The following HMMR variants were observed in gnomAD, a reference collection of about 807,000 sequenced individuals.
HMMR encodes hyaluronan mediated motility receptor.
In HMMR, 108 loss-of-function variants were observed where a neutral mutation model predicts 101.0. That is an observed-to-expected ratio of 1.07 (90% CI 0.92 to 1.25). HMMR has a LOEUF of 1.25. Among genes scored for constraint, HMMR ranks in the 50% most tolerant of loss-of-function variants. HMMR has a pLI of 0.00. For missense variants in HMMR, 813 were observed against 788.7 expected (o/e 1.03, Z -0.37); for synonymous variants, 296 against 276.4 (o/e 1.07, Z -0.70).
chr5:163,467,746 G>C lies in HMMR; in HGVS notation c.271G>C (p.Glu91Gln). The C allele has an allele frequency of 2.7e-6, 4 of 1,492,196 alleles. No homozygotes were observed. Among genetic ancestry groups the C allele is most frequent in the Non-Finnish European group, 3.7e-6 (4 of 1,073,198 alleles). 92.4% of individuals were successfully genotyped at this position (1,492,196 alleles called of 1,614,324 possible). The change falls in exon 4 of 18, where the codon GAG becomes CAG. Residue 91 changes from glutamate to glutamine, a missense_variant and splice_region_variant. Transcript: ENST00000393915. ...TAAAGATTTGAAGATATTAGAGAAAGAGGTAAGCAGTGCTTTAAACTTAGT... is the reference window on the plus strand; with the variant it reads ...TAAAGATTTGAAGATATTAGAGAAACAGGTAAGCAGTGCTTTAAACTTAGT... The part of the protein sequence containing the change: ...NDKDLKILEK[E>Q]IRVLLQERGA...
chr5:163,483,983 A>T, intron 15 of HMMR, 86 bp from the exon 16 acceptor site: 1 of 723,266 alleles, frequency 1.4e-6, no homozygotes, highest in Non-Finnish European at 2.3e-6. Context: ...TTGTGTTTTT[A>T]ATTTTCTTTA....
In HMMR at chr5:163,473,491, A is replaced by G; in HGVS notation, c.838A>G (p.Ile280Val). Residue 280 changes from isoleucine to valine, a missense_variant, in exon 9 of 18, where the codon ATT becomes GTT. Ile to Val is a conservative substitution (Grantham distance 29, BLOSUM62 3). Transcript: ENST00000393915. ...LSLKQSLEEN[I>V]VILSKQVEDL... The stretch of plus-strand genomic sequence containing the variant: ...CCTTAAGCAGTCTCTTGAGGAGAAT[A>G]TTGTTATATTATCTAAACAAGTAGA... 2 of 1,598,692 alleles carry G rather than the reference A, an allele frequency of 1.3e-6. No individual in the cohort carries two copies. Among genetic ancestry groups the G allele is most frequent in the Non-Finnish European group, 1.7e-6 (2 of 1,169,642 alleles).
intron 1 of HMMR, among the ~76,000 whole-genome samples, chr5:163,462,356 C>G (rs1347359754): frequency 8.7e-5 from 13 of 148,694 alleles, no homozygotes; most frequent in Non-Finnish European, 1.6e-4. Flanking sequence ...GTGCGAGACT[C>G]TGTTTCAAAA....
intron 15 of HMMR, among the ~76,000 whole-genome samples, chr5:163,483,842 A>G (rs1428936699): frequency 1.3e-5 from 2 of 152,136 alleles, no homozygotes; most frequent in African/African-American, 2.4e-5. Flanking sequence ...AAAACTGGCC[A>G]GCTGGCTTTT....
chr5:163,489,815 G>A (rs1759618104), intron 16 of HMMR, among the ~76,000 whole-genome samples: 1 of 152,170 alleles, frequency 6.6e-6, no homozygotes, highest in Admixed American at 6.5e-5. Flanking sequence ...TGGTCCTCCT[G>A]GGAGGGAAGC....
At chr5:163,481,546 C>A (rs1470205503) in intron 12 of HMMR, among the ~76,000 whole-genome samples, 1 of 152,126 alleles carries the variant, frequency 6.6e-6, no homozygotes, top group African/African-American at 2.4e-5. Context: ...TTAATATTAA[C>A]CTGTCCAAAC....
At chr5:163,464,913 A>G in intron 3 of HMMR, 111 bp downstream of exon 3, 1 of 670,248 alleles carries the variant, frequency 1.5e-6, no homozygotes, top group East Asian at 2.7e-5. Flanking sequence ...TTATAAGTAA[A>G]TCTGTAAATT....
intron 9 of HMMR, among the ~76,000 whole-genome samples, 175 bp downstream of exon 9, chr5:163,473,732 T>C (rs1331084867): frequency 1.3e-5 from 2 of 152,062 alleles, no homozygotes; most frequent in Admixed American, 6.5e-5. Flanking sequence ...TTAGAATATT[T>C]TACTCTTATA....
At chr5:163,466,243 T>C (rs1302194712) in intron 3 of HMMR, among the ~76,000 whole-genome samples, 2 of 152,192 alleles carry the variant, frequency 1.3e-5, no homozygotes, top group African/African-American at 2.4e-5. Flanking sequence ...CACTCCAGCC[T>C]GGGCAGCAGA....
intron 16 of HMMR, among the ~76,000 whole-genome samples, chr5:163,489,858 T>A (rs1759620872): frequency 6.6e-6 from 1 of 152,208 alleles, no homozygotes; most frequent in African/African-American, 2.4e-5. Context: ...AAGAGGGCCC[T>A]GTGCTTTTGG....
intron 2 of HMMR, 57 bp downstream of exon 2, chr5:163,464,011 G>A (rs1758622812): frequency 3.8e-6 from 2 of 528,606 alleles, no homozygotes; most frequent in East Asian, 3.5e-5. Flanking sequence ...TTAAAGTTAT[G>A]AATAACAATA....
At chr5:163,469,300 C>T (rs1173802231) in intron 4 of HMMR, among the ~76,000 whole-genome samples, 1 of 149,546 alleles carries the variant, frequency 6.7e-6, no homozygotes. Flanking sequence ...GGAGGCGGAG[C>T]TTGCAGTGAG....
intron 5 of HMMR, among the ~76,000 whole-genome samples, chr5:163,470,823 C>T (rs189980081): frequency 6.6e-6 from 1 of 152,100 alleles, no homozygotes; most frequent in Admixed American, 6.5e-5. Context: ...GACCCCATCT[C>T]TATAAACAAA....
chr5:163,484,305 A>C, intron 16 of HMMR, 60 bp downstream of exon 16: 1 of 782,926 alleles, frequency 1.3e-6, no homozygotes. Context: ...TTCTAACTAT[A>C]ATACTTAAAT....
Position 163,471,219 on chromosome 5 carries a change from T to G in HMMR, c.497T>G (p.Ile166Ser). 6.2e-7 allele frequency: 1 copy of G among 1,612,536 alleles called. No homozygotes were observed. The highest frequency in any genetic ancestry group is 8.5e-7 in the Non-Finnish European group (1 of 1,178,612). ...SENGNQKNLR[I>S]LSLELMKLRN... Reference sequence around the variant, plus strand: ...AATGGTAACCAGAAGAATTTGAGAATTCTAAGCTTGGAGTTGATGAAACTT... The same window carrying G: ...AATGGTAACCAGAAGAATTTGAGAAGTCTAAGCTTGGAGTTGATGAAACTT... Residue 166 changes from isoleucine to serine, a missense_variant, in exon 6 of 18, where the codon ATT becomes AGT. Physicochemically the swap from Ile to Ser is moderately radical, Grantham distance 142. Transcript: ENST00000393915.
rs1352568975 is a variant in HMMR at position 163,475,645 on chromosome 5, T to G, written c.1241T>G (p.Leu414Ter). The G allele has an allele frequency of 8.1e-6, 13 of 1,606,630 alleles. No homozygotes were observed. The highest frequency in any genetic ancestry group is 1.1e-5 in the Non-Finnish European group (13 of 1,174,346). The change falls in exon 11 of 18, where the codon TTA (leucine) becomes TGA (stop). Residue 414 changes from leucine (L) to a stop codon, truncating the protein, a stop_gained. Coordinates refer to ENST00000393915, the MANE Select transcript of HMMR (RefSeq NM_001142556.2). LOFTEE classifies it high-confidence loss of function. ...EEEAKSRAEE[L>*]KLLEEKLKGK... Reference sequence around the variant, plus strand: ...GAAGCAAAATCTAGAGCTGAAGAATTAAAACTCCTAGAAGAAAAGCTGAAA... The same window carrying G: ...GAAGCAAAATCTAGAGCTGAAGAATGAAAACTCCTAGAAGAAAAGCTGAAA...
chr5:163,471,087 A>G (rs1758872041), intron 5 of HMMR, 98 bp from the exon 6 acceptor site: 9 of 723,500 alleles, frequency 1.2e-5, no homozygotes, highest in Non-Finnish European at 1.9e-5. Context: ...AGTCAAAAAC[A>G]TAACCCCAGT....
chr5:163,488,079 C>T (rs964326990), intron 16 of HMMR, among the ~76,000 whole-genome samples: 1 of 152,160 alleles, frequency 6.6e-6, no homozygotes, highest in African/African-American at 2.4e-5. Context: ...TGGTCTGGAG[C>T]TCCTGGGCTC....
At position 163,463,887 on chromosome 5, in the gene HMMR, T is replaced by G; in HGVS notation, c.78T>G (p.Val26=). The G allele has an allele frequency of 3.3e-6, 5 of 1,492,676 alleles. No homozygotes were observed. In the Admixed American group the frequency reaches 7.4e-5, roughly 22 times the overall value. The allele number at this position is 1,492,676 out of a possible 1,614,324, so 92.5% of individuals were successfully genotyped here. A position where few individuals can be genotyped will look rare whatever the true frequency, so the allele number is the denominator to read the frequency against. Residue 26 remains valine, a synonymous_variant, in exon 2 of 18, where the codon GTT becomes GTG. Coordinates refer to ENST00000393915, the MANE Select transcript of HMMR (RefSeq NM_001142556.2). ...CACCATCTCCAGGTGCTTATGATGTTAAAACTTTAGAAGTATTGAAAGGAC... is the reference window on the plus strand; with the variant it reads ...CACCATCTCCAGGTGCTTATGATGTGAAAACTTTAGAAGTATTGAAAGGAC... ...GCAPSPGAYD[V]KTLEVLKGPV...
Sources: allele counts gnomAD v4.1 joint callset (sites outside exome capture counted in the v4.1 genomes callset), GRCh38; gene constraint gnomAD v4.1.1; transcripts MANE v1.5; gene names NCBI Gene and HGNC (gene_info 2026-07-23, HGNC 2026-07-21).